MRPL48: variants seen among roughly 807,000 people sequenced by gnomAD.
The protein encoded by MRPL48 is mitochondrial ribosomal protein L48.
A neutral mutation model predicts 32.9 loss-of-function variants in MRPL48; 16 were observed. The observed-to-expected ratio is 0.49, with a 90% CI of 0.33 to 0.74. The LOEUF is 0.74. MRPL48 is among the 30% of genes least tolerant of loss of function. The probability of loss-of-function intolerance (pLI) is 0.02; values close to 1 mark genes in which losing one functional copy is unlikely to be tolerated. For missense variants in MRPL48, 206 were observed against 245.3 expected (o/e 0.84, Z 1.07); for synonymous variants, 94 against 89.2 (o/e 1.05, Z -0.31).
intron 3 of MRPL48, among the ~76,000 whole-genome samples, chr11:73,823,732 A>G (rs1947829560): frequency 6.9e-6 from 1 of 144,860 alleles, no homozygotes; most frequent in Non-Finnish European, 1.5e-5. Flanking sequence ...AGCTATTTGC[A>G]CTACAACCTC....
At chr11:73,834,952 C>T (rs942346604) in intron 4 of MRPL48, among the ~76,000 whole-genome samples, 4 of 151,978 alleles carry the variant, frequency 2.6e-5, no homozygotes, top group African/African-American at 9.7e-5. Flanking sequence ...CAGCCTCAGC[C>T]TCCTGAGTAG....
intron 3 of MRPL48, among the ~76,000 whole-genome samples, chr11:73,820,335 C>T (rs956440388): frequency 1.3e-5 from 2 of 152,210 alleles, no homozygotes; most frequent in Non-Finnish European, 1.5e-5. Context: ...AGTGATTCTC[C>T]TGCCTCAGCT....
rs1036758756 is a variant in MRPL48 at position 73,864,603 on chromosome 11, G to A, written c.*233G>A. ...TCTAATAAAAATCTGCTGCAGATGT[G>A]TATATGTATGTGTGTGTGAGAGAGA... On this transcript the variant is annotated 3_prime_UTR_variant, in exon 8 of 8. Transcript: ENST00000310614. 14 of 556,924 alleles carry A rather than the reference G, an allele frequency of 2.5e-5. No individual in the cohort carries two copies. The highest frequency in any genetic ancestry group is 2.4e-4 in the African/African-American group (13 of 53,080). 34.5% of individuals were successfully genotyped at this position (556,924 alleles called of 1,614,324 possible).
intron 1 of MRPL48, among the ~76,000 whole-genome samples, chr11:73,802,570 A>G (rs1239117906): frequency 1.3e-5 from 2 of 152,202 alleles, no homozygotes; most frequent in African/African-American, 4.8e-5. Context: ...GAATCATGTA[A>G]TATTTGGTCC....
intron 4 of MRPL48, among the ~76,000 whole-genome samples, chr11:73,826,776 T>TTTTC (rs1401042772): frequency 7.4e-6 from 1 of 134,572 alleles, no homozygotes; most frequent in Non-Finnish European, 1.7e-5. Flanking sequence ...TGTATTTTCT[T>TTTTC]TTTTTTTTTT....
chr11:73,862,522 C>T (rs945785382), intron 6 of MRPL48, among the ~76,000 whole-genome samples: 1 of 152,146 alleles, frequency 6.6e-6, no homozygotes, highest in African/African-American at 2.4e-5. Context: ...TTGCTTGAAC[C>T]TGGGAGGCGG....
chr11:73,810,508 C>A (rs149820314), intron 3 of MRPL48, among the ~76,000 whole-genome samples: 2 of 150,958 alleles, frequency 1.3e-5, no homozygotes, highest in Non-Finnish European at 2.9e-5. Context: ...GCAACAAGAG[C>A]GAAACTCTGA....
intron 1 of MRPL48, among the ~76,000 whole-genome samples, chr11:73,794,252 T>C (rs1287711133): frequency 1.3e-5 from 2 of 150,988 alleles, no homozygotes; most frequent in Non-Finnish European, 2.9e-5. Flanking sequence ...TCTGAATAAA[T>C]AAATAAAATT....
At position 73,841,035 on chromosome 11, in the gene MRPL48, C is replaced by G. The variant is rs1948177771; in HGVS notation, c.202-3772C>G. Among the ~76,000 whole-genome samples the G allele has an allele frequency of 2.0e-5, 3 of 152,142 alleles. No homozygotes were observed. The South Asian group carries it at 6.2e-4, about 32-fold the overall frequency. ...GCCAGTAATCATATGGGAAGGTGCTCAGGCTCAATAGATATAAAGAAAATG... is the reference window on the plus strand; with the variant it reads ...GCCAGTAATCATATGGGAAGGTGCTGAGGCTCAATAGATATAAAGAAAATG... On this transcript the variant is annotated intron_variant, in intron 4 of 7. Transcript: ENST00000310614.
At chr11:73,804,895 G>A (rs939043751) in intron 1 of MRPL48, 132 bp from the exon 2 acceptor site, 42 of 678,800 alleles carry the variant, frequency 6.2e-5, no homozygotes, top group East Asian at 5.4e-4. Flanking sequence ...TTGTAGGGTA[G>A]CTTCTTTGTT....
At chr11:73,810,227 T>A (rs1947539941) in intron 3 of MRPL48, among the ~76,000 whole-genome samples, 1 of 152,122 alleles carries the variant, frequency 6.6e-6, no homozygotes, top group African/African-American at 2.4e-5. Flanking sequence ...TTTTTAGAAA[T>A]AAGGATATTT....
intron 5 of MRPL48, among the ~76,000 whole-genome samples, chr11:73,854,975 A>G (rs1366097034): frequency 3.9e-5 from 6 of 152,138 alleles, no homozygotes; most frequent in East Asian, 1.9e-4. Context: ...GGTTTCCTCA[A>G]CTGTAAAATG....
At chr11:73,829,494 A>G (rs1947955626) in intron 4 of MRPL48, among the ~76,000 whole-genome samples, 1 of 151,340 alleles carries the variant, frequency 6.6e-6, no homozygotes, top group South Asian at 2.1e-4. Context: ...GCTTCTCAGT[A>G]GCTGGGACTA....
At chr11:73,848,988 AT>A in intron 5 of MRPL48, among the ~76,000 whole-genome samples, 1 of 151,716 alleles carries the variant, frequency 6.6e-6, no homozygotes, top group East Asian at 1.9e-4. Context: ...TGCCTGGCTA[AT>A]TTTTTGTATT....
At chr11:73,855,010 A>C (rs934217526) in intron 5 of MRPL48, among the ~76,000 whole-genome samples, 31 of 152,150 alleles carry the variant, frequency 2.0e-4, no homozygotes, top group African/African-American at 7.2e-4. Context: ...ACCTACCTTA[A>C]AAGGCTACAG....
intron 6 of MRPL48, 140 bp downstream of exon 6, chr11:73,860,149 C>G (rs1268538341): frequency 1.5e-6 from 1 of 653,020 alleles, no homozygotes; most frequent in East Asian, 2.9e-5. Flanking sequence ...ATGCCTCCAT[C>G]TCTCCTTTTA....
intron 5 of MRPL48, among the ~76,000 whole-genome samples, chr11:73,857,245 C>T (rs1392106175): frequency 6.6e-6 from 1 of 151,926 alleles, no homozygotes. Context: ...ATTCTTCTGC[C>T]TCAGCCTCCC....
At chr11:73,842,816 T>A (rs1047683848) in intron 4 of MRPL48, 2 of 152,282 alleles carry the variant, frequency 1.3e-5, no homozygotes, top group African/African-American at 4.8e-5. Context: ...TAAGTCTCCC[T>A]CCTTTTCTGT....
chr11:73,797,640 G>A (rs1947281818), intron 1 of MRPL48, among the ~76,000 whole-genome samples: 5 of 152,318 alleles, frequency 3.3e-5, no homozygotes, highest in Admixed American at 2.6e-4. Context: ...TGCAGCAGCC[G>A]GCATGTCTGA....
Sources: allele counts gnomAD v4.1 joint callset (sites outside exome capture counted in the v4.1 genomes callset), GRCh38; gene constraint gnomAD v4.1.1; transcripts MANE v1.5; gene names NCBI Gene and HGNC (gene_info 2026-07-23, HGNC 2026-07-21).